The following SVIL variants were observed in gnomAD, a reference collection of about 807,000 sequenced individuals.
SVIL encodes supervillin, also known as archvillin.
A neutral mutation model predicts 240.4 loss-of-function variants in SVIL; 101 were observed. The ratio of observed to expected loss-of-function variants is 0.42; its 90% CI spans 0.36 to 0.50. The LOEUF (loss-of-function observed/expected upper bound fraction) is 0.50, where lower values mean the gene tolerates loss of function less well. Ranked by LOEUF, SVIL falls within the 20% of genes least tolerant of loss-of-function variation. The pLI is 0.01. For synonymous variants in SVIL, 999 were observed against 1,100.0 expected (o/e 0.91, Z 1.82); for missense variants, 2,512 against 2,818.7 (o/e 0.89, Z 2.46).
intron 1 of SVIL, among the ~76,000 whole-genome samples, chr10:29,572,427 G>A (rs1188026426): frequency 6.6e-6 from 1 of 151,632 alleles, no homozygotes; most frequent in Non-Finnish European, 1.5e-5. Context: ...GTGTTGGGAG[G>A]AGAAGAGGAA....
chr10:29,503,818 C>A (rs1174229700), intron 17 of SVIL, among the ~76,000 whole-genome samples: 2 of 152,142 alleles, frequency 1.3e-5, no homozygotes, highest in Non-Finnish European at 2.9e-5. Flanking sequence ...AAAGTCCCAG[C>A]AAGAGATTTT....
intron 1 of SVIL, among the ~76,000 whole-genome samples, chr10:29,592,611 G>C (rs549274215): frequency 1.4e-3 from 207 of 152,306 alleles, no homozygotes; most frequent in Non-Finnish European, 2.7e-3. Context: ...TACGTAGGAA[G>C]GGGAGGAGCA....
At chr10:29,669,863 CA>C (rs1409815206) in intron 2 of SVIL, among the ~76,000 whole-genome samples, 1 of 152,206 alleles carries the variant, frequency 6.6e-6, no homozygotes, top group East Asian at 1.9e-4. Context: ...CCTATAATCT[CA>C]GCAGTTTGGG....
rs1945922111 is a variant in SVIL, at chr10:29,474,294, C to T, written c.5378-305G>A. On this transcript the variant is annotated intron_variant, in intron 29 of 37. Transcript: ENST00000355867. ...GGGGTGGCAGATCACTCCAAGTGTG[C>T]AACAGAGTAATTTCTTCAAAATATT... Among the ~76,000 whole-genome samples, 3 of 152,170 alleles carry T rather than the reference C, an allele frequency of 2.0e-5. No homozygotes were observed. The South Asian group carries it at 6.2e-4, about 32-fold the overall frequency.
intron 1 of SVIL, among the ~76,000 whole-genome samples, chr10:29,609,667 G>A (rs1441492776): frequency 3.9e-5 from 6 of 152,156 alleles, no homozygotes; most frequent in East Asian, 1.9e-4. Context: ...TCATCCAGAC[G>A]CTGGTGCCCA....
chr10:29,736,370 C>T (rs576292217), upstream of SVIL, among the ~76,000 whole-genome samples: 9 of 152,368 alleles, frequency 5.9e-5, 1 homozygote, highest in South Asian at 1.9e-3. Flanking sequence ...GTCACGCCCC[C>T]CCGGTCCCAG....
chr10:29,620,913 G>A (rs551657917), intron 1 of SVIL, among the ~76,000 whole-genome samples: 49 of 151,566 alleles, frequency 3.2e-4, no homozygotes, highest in African/African-American at 1.1e-3. Flanking sequence ...CACCACGCCC[G>A]GGCTATCCCT....
chr10:29,675,154 C>G (rs1272604934), intron 2 of SVIL, among the ~76,000 whole-genome samples: 1 of 152,150 alleles, frequency 6.6e-6, no homozygotes, highest in Non-Finnish European at 1.5e-5. Flanking sequence ...GCCAATGAGC[C>G]CAGTCCACAT....
intron 3 of SVIL, among the ~76,000 whole-genome samples, chr10:29,656,126 C>G (rs1047181953): frequency 7.9e-5 from 12 of 151,450 alleles, no homozygotes; most frequent in African/African-American, 2.9e-4. Flanking sequence ...GCCTCGGCCT[C>G]CCAAAGTGCT....
chr10:29,506,656 T>TATGAG (rs567169768), intron 17 of SVIL, among the ~76,000 whole-genome samples: 7 of 134,978 alleles, frequency 5.2e-5, no homozygotes, highest in South Asian at 2.5e-4. Flanking sequence ...ACAGAGGCCC[T>TATGAG]GGAGGGAGGG....
intron 1 of SVIL, among the ~76,000 whole-genome samples, chr10:29,715,826 C>G (rs1963579708): frequency 1.3e-5 from 2 of 152,216 alleles, no homozygotes; most frequent in Non-Finnish European, 1.5e-5. Context: ...TACAAGGTTC[C>G]TAGGTTCAAA....
At chr10:29,609,296 C>T (rs1209186914) in intron 1 of SVIL, among the ~76,000 whole-genome samples, 1 of 152,198 alleles carries the variant, frequency 6.6e-6, no homozygotes, top group Non-Finnish European at 1.5e-5. Flanking sequence ...TAAAGGATGG[C>T]AACCCTTCTG....
intron 1 of SVIL, among the ~76,000 whole-genome samples, chr10:29,570,265 G>A (rs1955325579): frequency 6.6e-6 from 1 of 152,190 alleles, no homozygotes. Flanking sequence ...CAAGTATCTT[G>A]TTATGTAATT....
intron 29 of SVIL, chr10:29,475,539 CT>C (rs1946104602): frequency 6.6e-6 from 1 of 152,194 alleles, no homozygotes; most frequent in Non-Finnish European, 1.5e-5. Context: ...GTGATAAGTG[CT>C]ATGAGGACAA....
At chr10:29,719,614 C>G in intron 1 of SVIL, among the ~76,000 whole-genome samples, 1 of 152,078 alleles carries the variant, frequency 6.6e-6, no homozygotes. Context: ...AGATTTTAGG[C>G]AGAGATATGA....
At chr10:29,498,088 C>CAAAAAAAAAAAAAAAAA (rs34280398) in intron 18 of SVIL, among the ~76,000 whole-genome samples, 2 of 37,482 alleles carry the variant, frequency 5.3e-5, no homozygotes, top group Non-Finnish European at 1.4e-4. Context: ...TCCCCTCCAC[C>CAAAAAAAAAAAAAAAAA]AAAAAAAAAA....
intron 1 of SVIL, among the ~76,000 whole-genome samples, chr10:29,700,225 A>C (rs888780296): frequency 6.6e-6 from 1 of 152,214 alleles, no homozygotes; most frequent in Middle Eastern, 3.2e-3. Flanking sequence ...GATGGAATGC[A>C]CGTAAAATAA....
chr10:29,701,971 C>T lies in SVIL; in HGVS notation c.-399-15320G>A, dbSNP rs535203013. ...GATGGATCACCTGAGGTCAGGAGTT[C>T]GAGACCAGCCTGGCCAAAACGGTGA... On this transcript the variant is annotated intron_variant, in intron 1 of 35. Coordinates refer to the SVIL transcript ENST00000375400. 1.4e-4 allele frequency among the ~76,000 whole-genome samples: 21 copies of T among 152,096 alleles called. 1 individual carries two copies. The South Asian group carries it at 3.5e-3, about 26-fold the overall frequency.
chr10:29,681,252 AG>A (rs1221836778), intron 2 of SVIL, among the ~76,000 whole-genome samples: 1 of 152,126 alleles, frequency 6.6e-6, no homozygotes, highest in Non-Finnish European at 1.5e-5. Context: ...AGTGAGATTT[AG>A]GGCACGTGCA....
Sources: gnomAD v4.1 joint callset for allele counts (sites outside exome capture counted in the v4.1 genomes callset) on GRCh38, gnomAD v4.1.1 for gene constraint, MANE v1.5 for transcripts, NCBI Gene and HGNC (gene_info 2026-07-23, HGNC 2026-07-21) for gene names.